The following ABCA7 variants were observed in gnomAD, a reference collection of about 807,000 sequenced individuals.
ABCA7 encodes ATP binding cassette subfamily A member 7, also known as phospholipid-transporting ATPase ABCA7.
Under a neutral mutation model 227.6 loss-of-function variants are expected in ABCA7, and 261 were observed. The ratio of observed to expected loss-of-function variants is 1.15; its 90% CI spans 1.04 to 1.27. The LOEUF (loss-of-function observed/expected upper bound fraction) is 1.27. Among genes scored for constraint, ABCA7 ranks in the 50% most tolerant of loss-of-function variants. The pLI is 0.00. For synonymous variants in ABCA7, 1,488 were observed against 1,279.7 expected, an observed-to-expected ratio of 1.16 and a Z score of -3.47; for missense variants, 3,331 against 2,924.5, an observed-to-expected ratio of 1.14 and a Z score of -3.21.
At chr19:1,060,260 G>A (rs1363802060) in intron 40 of ABCA7, among the ~76,000 whole-genome samples, 1 of 148,212 alleles carries the variant, frequency 6.7e-6, no homozygotes, top group Non-Finnish European at 1.5e-5. Context: ...CACCCAGCTT[G>A]GTGTGCAATG....
chr19:1,064,585 A>C, intron 45 of ABCA7: 2 of 422,128 alleles, frequency 4.7e-6, no homozygotes, highest in Non-Finnish European at 8.4e-6. Context: ...GGCCATAGGA[A>C]AGTGGGGCGG....
At chr19:1,059,535 G>C (rs2042517631) in intron 40 of ABCA7, among the ~76,000 whole-genome samples, 1 of 147,306 alleles carries the variant, frequency 6.8e-6, no homozygotes, top group South Asian at 2.1e-4. Context: ...AGAGTGCTGG[G>C]ATTACAAGCG....
chr19:1,041,177 A>G, intron 1 of ABCA7, 48 bp from the exon 2 acceptor site: 1 of 658,496 alleles, frequency 1.5e-6, no homozygotes, highest in Non-Finnish European at 2.7e-6. Context: ...CCCCTGGGGT[A>G]GCGGAGCCTC....
chr19:1,056,121 T>G lies in ABCA7; in HGVS notation c.4294T>G (p.Leu1432Val). 6.2e-7 allele frequency: 1 copy of G among 1,609,172 alleles called. No individual in the cohort carries two copies. Residue 1432 changes from leucine (L) to valine (V), a missense_variant, in exon 32 of 47, where the codon TTG (leucine) becomes GTG (valine). By Grantham distance (32) the Leu-to-Val change is conservative. Coordinates refer to ENST00000263094, the MANE Select transcript of ABCA7 (RefSeq NM_019112.4). The surrounding 1 kb of genome is among the most constrained non-coding windows in gnomAD (Gnocchi z 4.3). Reference protein sequence around the residue: ...RDPGLPSGQELGRSVEELWAL... With the variant: ...RDPGLPSGQEVGRSVEELWAL... ...CCCAGGCCTGCCCTCGGGCCAAGAG[T>G]TGGGCCGCTCAGTGGAGGAGTTGTG...
chr19:1,053,795 T>C lies in ABCA7; in HGVS notation c.3431T>C (p.Leu1144Pro). ...CCCTGCTTGTCTCCCCAGATCTTCC[T>C]GAAGGTGGTGGAGGAGTGTGCTGCG... ...ISDTSLEEIF[L>P]KVVEECAADT... Residue 1144 changes from leucine to proline, a missense_variant, in exon 25 of 47, where the codon CTG becomes CCG. Leu to Pro is a moderately conservative substitution (Grantham distance 98). Transcript: ENST00000263094. 7 of 1,612,068 alleles carry C rather than the reference T, an allele frequency of 4.3e-6. No individual in the cohort carries two copies. Among genetic ancestry groups the C allele is most frequent in the Non-Finnish European group, 5.1e-6 (6 of 1,178,890 alleles).
chr19:1,041,736 C>T (rs2040055974), intron 3 of ABCA7, 95 bp from the exon 4 acceptor site: 5 of 1,583,790 alleles, frequency 3.2e-6, no homozygotes. Flanking sequence ...AGTGAGCTCT[C>T]CATCGCTGGA....
intron 40 of ABCA7, 95 bp downstream of exon 40, chr19:1,059,180 T>C (rs1040660297): frequency 1.5e-6 from 2 of 1,330,232 alleles, no homozygotes; most frequent in Non-Finnish European, 2.0e-6. Flanking sequence ...CTACTGTGTA[T>C]CCACCACCTT....
At chr19:1,042,454 C>A (rs1442825465) in intron 6 of ABCA7, 57 bp downstream of exon 6, 5 of 1,596,128 alleles carry the variant, frequency 3.1e-6, no homozygotes, top group Non-Finnish European at 4.3e-6. Flanking sequence ...TGGGGATGTC[C>A]TGGCACTGCC....
At position 1,054,886 on chromosome 19, in the gene ABCA7, G is replaced by A. The variant is rs374857444; in HGVS notation, c.3950+8G>A. 39 of 1,555,650 alleles carry A rather than the reference G, an allele frequency of 2.5e-5. No homozygotes were observed. In the African/African-American group the frequency reaches 2.6e-4, roughly 10 times the overall value. On this transcript the variant is annotated splice_region_variant and intron_variant, in intron 29 of 46. Transcript: ENST00000263094. This position sits in a 1 kb window ranked among gnomAD's most constrained non-coding sequence, Gnocchi z 4.8. ...GCAGCATAGCTCCCACAGGTGAGGC[G>A]TCTTGTTGGCCTGGACCTTTCCCCT...
chr19:1,051,112 C>G (rs200091493), intron 19 of ABCA7, 43 bp from the exon 20 acceptor site: 4 of 1,611,156 alleles, frequency 2.5e-6, no homozygotes, highest in Non-Finnish European at 3.4e-6. Context: ...CTCTGGGACT[C>G]TGCCTGCCAT....
At chr19:1,057,809 G>A (rs1041390231) in intron 35 of ABCA7, 106 bp from the exon 36 acceptor site, 3 of 1,377,090 alleles carry the variant, frequency 2.2e-6, no homozygotes, top group African/African-American at 1.5e-5. Context: ...TGCTTTGGGT[G>A]AAAATGTCAA....
intron 12 of ABCA7, 160 bp downstream of exon 12, chr19:1,045,391 A>C: frequency 4.1e-6 from 3 of 733,202 alleles, no homozygotes; most frequent in Non-Finnish European, 4.4e-6. Flanking sequence ...CCTTAGACCA[A>C]TAGGGGCCCG....
intron 22 of ABCA7, 27 bp from the exon 23 acceptor site, chr19:1,052,187 A>G: frequency 1.2e-6 from 2 of 1,601,232 alleles, no homozygotes; most frequent in Non-Finnish European, 1.7e-6. Context: ...CTGAAGGCCA[A>G]GCCACTTGGT....
chr19:1,044,546 C>T (rs2040409790), intron 10 of ABCA7, 31 bp from the exon 11 acceptor site: 1 of 1,599,398 alleles, frequency 6.3e-7, no homozygotes, highest in Non-Finnish European at 8.5e-7. Context: ...TGTGCCCGAC[C>T]CAGACTCTCA....
intron 34 of ABCA7, 52 bp downstream of exon 34, chr19:1,057,136 C>G (rs1252262500): frequency 6.3e-7 from 1 of 1,581,330 alleles, no homozygotes; most frequent in Non-Finnish European, 8.6e-7. Context: ...TGCCACTGCC[C>G]TGTCTGGCCC....
intron 40 of ABCA7, 134 bp downstream of exon 40, chr19:1,059,219 T>A: frequency 1.6e-6 from 1 of 626,968 alleles, no homozygotes; most frequent in Non-Finnish European, 2.4e-6. Flanking sequence ...ATGCCAATAT[T>A]TGTGCTCCTA....
In ABCA7 at chr19:1,052,026, T is replaced by A; in HGVS notation, c.3047T>A (p.Leu1016Ter). ...DRVAVVAGGR[L>*]CCCGSPLFLR... The stretch of plus-strand genomic sequence containing the variant: ...GTGGCCGTGGTGGCAGGTGGCCGCT[T>A]GTGCTGCTGTGGCTCCCCACTCTTC... The change falls in exon 22 of 47, where the codon TTG becomes TAG. Residue 1016 changes from leucine to a stop codon, truncating the protein, a stop_gained. Coordinates refer to ENST00000263094, the MANE Select transcript of ABCA7 (RefSeq NM_019112.4). LOFTEE classifies it high-confidence loss of function. 1 of 1,612,182 alleles carries A rather than the reference T, an allele frequency of 6.2e-7. No homozygotes were observed. The highest frequency in any genetic ancestry group is 8.5e-7 in the Non-Finnish European group (1 of 1,179,898).
chr19:1,049,160 T>G, intron 17 of ABCA7, 106 bp from the exon 18 acceptor site: 1 of 1,355,968 alleles, frequency 7.4e-7, no homozygotes, highest in Non-Finnish European at 1.0e-6. Flanking sequence ...GCAGCTTTTA[T>G]AGGCCCCGGC....
Position 1,051,135 on chromosome 19 carries a change from G to A in ABCA7, c.2685-20G>A. On this transcript the variant is annotated intron_variant, in intron 19 of 46. Coordinates refer to ENST00000263094, the MANE Select transcript of ABCA7 (RefSeq NM_019112.4). ...CTCTGCCTGCCATGTGGGTCACTCT[G>A]CTCTGTGCACTGGCCGCAGGCTGAC... 2 of 1,609,380 alleles carry A rather than the reference G, an allele frequency of 1.2e-6. No individual in the cohort carries two copies. Among genetic ancestry groups the A allele is most frequent in the African/African-American group, 1.3e-5 (1 of 74,480 alleles).
Sources: gnomAD v4.1 joint callset for allele counts (sites outside exome capture counted in the v4.1 genomes callset) on GRCh38, gnomAD v4.1.1 for gene constraint, Gnocchi (gnomAD v3.1) non-coding constraint, MANE v1.5 for transcripts, NCBI Gene and HGNC (gene_info 2026-07-23, HGNC 2026-07-21) for gene names.